MIR2052HG: variants seen among roughly 807,000 people sequenced by gnomAD.
MIR2052HG encodes MIR2052 host gene.
chr8:74,674,215 T>C (rs1809026635), intron 2 of MIR2052HG, among the ~76,000 whole-genome samples: 1 of 151,208 alleles, frequency 6.6e-6, no homozygotes, highest in Admixed American at 6.6e-5. Flanking sequence ...TGTGCCTGGA[T>C]CATCACATTG....
chr8:74,655,887 A>G (rs1231798838), intron 2 of MIR2052HG, among the ~76,000 whole-genome samples: 1 of 152,180 alleles, frequency 6.6e-6, no homozygotes, highest in Non-Finnish European at 1.5e-5. Context: ...AGCAGCCAGG[A>G]GGGGGCCTAT....
At chr8:74,647,780 A>T (rs539238310) in intron 2 of MIR2052HG, among the ~76,000 whole-genome samples, 2 of 152,306 alleles carry the variant, frequency 1.3e-5, no homozygotes, top group East Asian at 3.9e-4. Context: ...CCCAAAATTA[A>T]TACTTTTATA....
intron 1 of MIR2052HG, among the ~76,000 whole-genome samples, chr8:74,602,819 TTCTTTC>T (rs1243405153): frequency 1.7e-5 from 2 of 114,432 alleles, no homozygotes; most frequent in Non-Finnish European, 3.6e-5. Context: ...CCGGCCGTGT[TTCTTTC>T]TTTCTTTCTT....
chr8:74,650,406 A>G (rs1370497677), intron 2 of MIR2052HG, among the ~76,000 whole-genome samples: 2 of 152,228 alleles, frequency 1.3e-5, no homozygotes, highest in Admixed American at 6.5e-5. Context: ...TTCCAATAGT[A>G]TAGATATACC....
intron 2 of MIR2052HG, among the ~76,000 whole-genome samples, chr8:74,648,961 C>T (rs1300671693): frequency 2.0e-5 from 3 of 151,988 alleles, no homozygotes; most frequent in African/African-American, 7.3e-5. Flanking sequence ...AGAAAGGACA[C>T]ACACTGGCAC....
chr8:74,666,244 G>A (rs923559958), intron 2 of MIR2052HG, among the ~76,000 whole-genome samples: 22 of 151,764 alleles, frequency 1.4e-4, no homozygotes, highest in African/African-American at 3.1e-4. Flanking sequence ...CCCACAAAGC[G>A]TCCAGAGACA....
chr8:74,757,596 T>A (rs1258256926), intron 5 of MIR2052HG: 1 of 152,232 alleles, frequency 6.6e-6, no homozygotes, highest in Non-Finnish European at 1.5e-5. Flanking sequence ...GAACTGAGAT[T>A]TGGGGAAGTT....
intron 2 of MIR2052HG, among the ~76,000 whole-genome samples, chr8:74,621,518 A>G (rs1340568553): frequency 2.6e-5 from 4 of 152,188 alleles, no homozygotes; most frequent in Non-Finnish European, 5.9e-5. Context: ...GGCAAAGGAG[A>G]AGCAGGCACC....
intron 2 of MIR2052HG, among the ~76,000 whole-genome samples, chr8:74,620,431 A>T (rs966917215): frequency 1.3e-5 from 2 of 152,152 alleles, no homozygotes; most frequent in East Asian, 3.9e-4. Flanking sequence ...GAGGCTCTCC[A>T]TGAGGGCTCT....
At chr8:74,669,390 T>C (rs1808966081) in intron 2 of MIR2052HG, among the ~76,000 whole-genome samples, 1 of 152,136 alleles carries the variant, frequency 6.6e-6, no homozygotes, top group Non-Finnish European at 1.5e-5. Context: ...TTCAATCCGT[T>C]CTCACCTGGC....
chr8:74,745,418 G>A (rs2128756148), intron 4 of MIR2052HG, among the ~76,000 whole-genome samples: 1 of 152,220 alleles, frequency 6.6e-6, no homozygotes, highest in East Asian at 1.9e-4. Context: ...ATTTGTCATT[G>A]TTTCTCATAT....
At chr8:74,734,405 C>A (rs899249590) in intron 4 of MIR2052HG, among the ~76,000 whole-genome samples, 3 of 152,056 alleles carry the variant, frequency 2.0e-5, no homozygotes, top group African/African-American at 4.8e-5. Context: ...GTAATCCCAC[C>A]AAAAATGTAT....
chr8:74,615,596 C>T (rs1396855907), intron 2 of MIR2052HG, among the ~76,000 whole-genome samples: 2 of 151,886 alleles, frequency 1.3e-5, no homozygotes, highest in East Asian at 3.9e-4. Context: ...ACTCCATTGT[C>T]TTGTGTTCTC....
intron 2 of MIR2052HG, among the ~76,000 whole-genome samples, chr8:74,666,046 G>A (rs569830892): frequency 6.8e-4 from 103 of 152,066 alleles, no homozygotes; most frequent in African/African-American, 2.3e-3. Context: ...TGCTTTTGTC[G>A]GCAGTGTGAG....
At chr8:74,620,045 A>G (rs527860312) in intron 2 of MIR2052HG, among the ~76,000 whole-genome samples, 18 of 152,356 alleles carry the variant, frequency 1.2e-4, no homozygotes, top group Middle Eastern at 3.4e-3. Flanking sequence ...GGAGAAATTA[A>G]CTAAAACAAA....
In MIR2052HG at chr8:74,679,747, C is replaced by T. The variant is rs1028380127; in HGVS notation, n.217-22632C>T. Among the ~76,000 whole-genome samples, 8 of 151,532 alleles carry T rather than the reference C, an allele frequency of 5.3e-5. No homozygotes were observed. The South Asian group carries it at 6.2e-4, about 12-fold the overall frequency. The stretch of plus-strand genomic sequence containing the variant: ...AGTAGAGATGGGGTTTCACCATGTT[C>T]GCCAGGCTGGTTTTGAACTCCTGAC... On this transcript the variant is annotated intron_variant and non_coding_transcript_variant, in intron 2 of 6. Coordinates refer to ENST00000523442, the Ensembl canonical transcript of MIR2052HG.
At chr8:74,706,475 A>G (rs1259187914) in intron 4 of MIR2052HG, among the ~76,000 whole-genome samples, 2 of 151,712 alleles carry the variant, frequency 1.3e-5, no homozygotes, top group South Asian at 2.1e-4. Flanking sequence ...AAACCTTCTC[A>G]CTCCTAAGTC....
intron 1 of MIR2052HG, among the ~76,000 whole-genome samples, chr8:74,606,264 A>C (rs1017323160): frequency 2.0e-5 from 3 of 152,160 alleles, no homozygotes; most frequent in Non-Finnish European, 4.4e-5. Flanking sequence ...GCTGGGAGTC[A>C]GCTTGCACAA....
At chr8:74,657,610 T>A (rs2128736666) in intron 2 of MIR2052HG, among the ~76,000 whole-genome samples, 1 of 152,234 alleles carries the variant, frequency 6.6e-6, no homozygotes, top group African/African-American at 2.4e-5. Context: ...GACTTACAAC[T>A]CCACATGGCT....
Sources: gnomAD v4.1 joint callset for allele counts (sites outside exome capture counted in the v4.1 genomes callset) on GRCh38, gnomAD v4.1.1 for gene constraint, MANE v1.5 for transcripts, NCBI Gene and HGNC (gene_info 2026-07-23, HGNC 2026-07-21) for gene names.